UXS1: variants seen among roughly 807,000 people sequenced by gnomAD.
UXS1 encodes UDP-glucuronic acid decarboxylase 1.
A neutral mutation model predicts 62.6 loss-of-function variants in UXS1; 33 were observed. The ratio of observed to expected loss-of-function variants is 0.53; its 90% CI spans 0.40 to 0.70. The LOEUF (loss-of-function observed/expected upper bound fraction) is 0.70. UXS1 is among the 30% of genes least tolerant of loss of function. The pLI, the probability that UXS1 is intolerant of heterozygous loss-of-function variation, is 0.00. For missense variants in UXS1, 434 were observed against 556.3 expected, an observed-to-expected ratio of 0.78 and a Z score of 2.21; for synonymous variants, 213 against 206.8, an observed-to-expected ratio of 1.03 and a Z score of -0.26.
chr2:106,111,038 C>T (rs1361401361), intron 10 of UXS1, among the ~76,000 whole-genome samples: 3 of 152,206 alleles, frequency 2.0e-5, no homozygotes, highest in African/African-American at 7.2e-5. Flanking sequence ...GGCTGTGTCC[C>T]GTGCTCTGCT....
At chr2:106,137,767 C>T (rs573515666) in intron 6 of UXS1, among the ~76,000 whole-genome samples, 1 of 152,096 alleles carries the variant, frequency 6.6e-6, no homozygotes, top group East Asian at 1.9e-4. Context: ...TGCACCGCAG[C>T]ATGGACAACA....
rs370433526 is a variant in UXS1 at position 106,105,809 on chromosome 2, A to G, written c.880-972T>C. On this transcript the variant is annotated intron_variant, in intron 10 of 14. Transcript: ENST00000283148. The stretch of plus-strand genomic sequence containing the variant: ...CTCCTAAGCGCGGCATCACAGGAAC[A>G]AGAGTGCCCTCGGGGGTTTTGTTTG... Among the ~76,000 whole-genome samples, 4 of 152,338 alleles carry G rather than the reference A, an allele frequency of 2.6e-5. 1 individual carries two copies. Among genetic ancestry groups the G allele is most frequent in the Middle Eastern group, 3.4e-3 (1 of 294 alleles).
chr2:106,162,017 C>T (rs1407230824), intron 4 of UXS1, among the ~76,000 whole-genome samples: 2 of 152,168 alleles, frequency 1.3e-5, no homozygotes, highest in Admixed American at 6.5e-5. Context: ...CTTTATCACA[C>T]ACTGAGTCAG....
chr2:106,145,512 T>C (rs1193761357), intron 5 of UXS1, 142 bp from the exon 6 acceptor site: 2 of 1,027,498 alleles, frequency 1.9e-6, no homozygotes, highest in African/African-American at 1.6e-5. Context: ...CAGCAAAGGT[T>C]TTAAGGTAGC....
rs770828099 is a variant in UXS1, at chr2:106,145,162, A to G, written c.472+28T>C. 8 of 1,605,272 alleles carry G rather than the reference A, an allele frequency of 5.0e-6. No homozygotes were observed. In the South Asian group the frequency reaches 8.9e-5, roughly 18 times the overall value. On this transcript the variant is annotated intron_variant, in intron 6 of 14. Coordinates refer to ENST00000283148, the MANE Select transcript of UXS1 (RefSeq NM_001253875.2). Reference sequence around the variant, plus strand: ...GGCAAGGCCACCTGCGGAGCTCTGAATAATAACAATGTGCAGTTTTCACTC... The same window carrying G: ...GGCAAGGCCACCTGCGGAGCTCTGAGTAATAACAATGTGCAGTTTTCACTC...
chr2:106,156,870 T>C (rs1256041829), intron 5 of UXS1, among the ~76,000 whole-genome samples: 1 of 152,206 alleles, frequency 6.6e-6, no homozygotes, highest in Non-Finnish European at 1.5e-5. Flanking sequence ...GGGCCTACTG[T>C]ATAAATAAAC....
At chr2:106,175,875 C>T (rs1163113091) in intron 1 of UXS1, among the ~76,000 whole-genome samples, 1 of 152,186 alleles carries the variant, frequency 6.6e-6, no homozygotes, top group African/African-American at 2.4e-5. Flanking sequence ...TGTTTTCTGC[C>T]ACTATGTTTT....
chr2:106,130,918 AG>A (rs1336820435), intron 6 of UXS1, among the ~76,000 whole-genome samples: 5 of 152,146 alleles, frequency 3.3e-5, no homozygotes, highest in Non-Finnish European at 7.4e-5. Flanking sequence ...ATGGCCGAAT[AG>A]GAACAGCTCC....
intron 14 of UXS1, among the ~76,000 whole-genome samples, chr2:106,095,614 T>C (rs537012077): frequency 6.6e-6 from 1 of 152,330 alleles, no homozygotes; most frequent in South Asian, 2.1e-4. Context: ...GCACCCAGTG[T>C]GTGTCAGGTC....
rs1676879698 is a variant in UXS1 at position 106,094,099 on chromosome 2, T to C, written c.1205A>G (p.Tyr402Cys). 2 of 1,613,570 alleles carry C rather than the reference T, an allele frequency of 1.2e-6. No individual in the cohort carries two copies. Among genetic ancestry groups the C allele is most frequent in the Non-Finnish European group, 1.7e-6 (2 of 1,179,850 alleles). Reference sequence around the variant, plus strand: ...GGGGATGTACTGATTATTTGCCTGGTACTCGAGTTCTTTACGGAAGTAGTG... The same window carrying C: ...GGGGATGTACTGATTATTTGCCTGGCACTCGAGTTCTTTACGGAAGTAGTG... The part of the protein sequence containing the change: ...AIHYFRKELE[Y>C]QANNQYIPKP... Residue 402 changes from tyrosine (Y) to cysteine (C), a missense_variant, in exon 15 of 15, where the codon TAC (tyrosine) becomes TGC (cysteine). By Grantham distance (194) the Tyr-to-Cys change is radical. This residue lies in a region of UXS1 where 209 missense variants were observed against 233.3 expected (regional missense o/e 0.90). Coordinates refer to ENST00000283148, the MANE Select transcript of UXS1 (RefSeq NM_001253875.2).
intron 11 of UXS1, 63 bp downstream of exon 11, chr2:106,104,731 C>G (rs1235190723): frequency 2.5e-6 from 4 of 1,596,830 alleles, no homozygotes; most frequent in Non-Finnish European, 3.4e-6. Flanking sequence ...AACTGTCTGT[C>G]AAGTTGGCAT....
intron 1 of UXS1, 42 bp downstream of exon 1, chr2:106,194,106 G>GA: frequency 7.0e-7 from 1 of 1,420,512 alleles, no homozygotes; most frequent in African/African-American, 1.5e-5. Context: ...CGGCGCCGGG[G>GA]AATGAATGGG....
At chr2:106,165,786 T>C (rs1683173317) in intron 2 of UXS1, among the ~76,000 whole-genome samples, 1 of 146,138 alleles carries the variant, frequency 6.8e-6, no homozygotes, top group South Asian at 2.3e-4. Flanking sequence ...TAAGCTAGGG[T>C]CAACCCTTTA....
chr2:106,097,398 T>C (rs1041502513), intron 13 of UXS1: 30 of 353,942 alleles, frequency 8.5e-5, no homozygotes, highest in Non-Finnish European at 1.3e-4. Flanking sequence ...CCAGTGACTG[T>C]GGGCCAGACC....
At chr2:106,143,980 C>T (rs1396478944) in intron 6 of UXS1, among the ~76,000 whole-genome samples, 2 of 152,232 alleles carry the variant, frequency 1.3e-5, no homozygotes, top group Non-Finnish European at 2.9e-5. Flanking sequence ...CAGGATCATC[C>T]TCATTTTAAA....
At chr2:106,157,614 A>G (rs1003045689) in intron 5 of UXS1, among the ~76,000 whole-genome samples, 1 of 152,150 alleles carries the variant, frequency 6.6e-6, no homozygotes. Flanking sequence ...GGTGGAAACA[A>G]CTCCAAATAC....
chr2:106,116,132 C>T (rs1679038168), intron 9 of UXS1, among the ~76,000 whole-genome samples: 1 of 152,150 alleles, frequency 6.6e-6, no homozygotes, highest in Non-Finnish European at 1.5e-5. Flanking sequence ...AGAGGTGACC[C>T]AAGAGGAGTA....
Position 106,112,773 on chromosome 2 carries a change from A to G in UXS1, c.760-8T>C, listed in dbSNP as rs746884117. The stretch of plus-strand genomic sequence containing the variant: ...TCGCACTTCCACGCCTTCCTGGAAC[A>G]GAGAGAAGAGGAGGTCAGGTGTGCT... On this transcript the variant is annotated splice_polypyrimidine_tract_variant and splice_region_variant and intron_variant, in intron 9 of 14. Transcript: ENST00000283148. The G allele has an allele frequency of 5.6e-6, 9 of 1,612,672 alleles. No homozygotes were observed. The highest frequency in any genetic ancestry group is 1.3e-5 in the African/African-American group (1 of 74,938).
chr2:106,117,968 G>A (rs1679194309), intron 9 of UXS1, among the ~76,000 whole-genome samples: 1 of 152,194 alleles, frequency 6.6e-6, no homozygotes. Context: ...CATCTGTTTG[G>A]CCATCTTCCT....
Sources: gnomAD v4.1 joint callset for allele counts (sites outside exome capture counted in the v4.1 genomes callset) on GRCh38, gnomAD v4.1.1 for gene constraint, gnomAD v4.1.1 regional missense constraint, MANE v1.5 for transcripts, NCBI Gene and HGNC (gene_info 2026-07-23, HGNC 2026-07-21) for gene names.